The following CADM2 variants were observed in gnomAD, a reference collection of about 807,000 sequenced individuals.
CADM2 encodes immunoglobulin superfamily member 4D.
A neutral mutation model predicts 49.8 loss-of-function variants in CADM2; 12 were observed. That is an observed-to-expected ratio of 0.24 (90% confidence interval 0.15 to 0.39). The LOEUF (loss-of-function observed/expected upper bound fraction) is 0.39. Ranked by LOEUF, CADM2 falls within the 10% of genes least tolerant of loss-of-function variation. The probability of loss-of-function intolerance (pLI) is 1.00; values close to 1 mark genes in which losing one functional copy is unlikely to be tolerated. For synonymous variants in CADM2, 214 were observed against 175.4 expected (o/e 1.22, Z -1.74); for missense variants, 378 against 492.3 (o/e 0.77, Z 2.20).
chr3:85,583,627 A>T (rs149742358), intron 1 of CADM2, among the ~76,000 whole-genome samples: 1 of 152,298 alleles, frequency 6.6e-6, no homozygotes, highest in African/African-American at 2.4e-5. Context: ...TTTTAAATAC[A>T]TTATCATTAA....
chr3:85,238,269 G>T (rs1274970561), intron 1 of CADM2, among the ~76,000 whole-genome samples: 1 of 151,874 alleles, frequency 6.6e-6, no homozygotes, highest in Non-Finnish European at 1.5e-5. Context: ...TAAAGGAATG[G>T]TATACCATTT....
intron 1 of CADM2, among the ~76,000 whole-genome samples, chr3:84,990,241 A>G (rs906105694): frequency 1.3e-5 from 2 of 151,552 alleles, no homozygotes; most frequent in African/African-American, 2.4e-5. Context: ...TCTAAGAACC[A>G]TATCAGAGTT....
At chr3:85,907,823 A>T (rs571092375) in intron 5 of CADM2, among the ~76,000 whole-genome samples, 1 of 151,958 alleles carries the variant, frequency 6.6e-6, no homozygotes, top group African/African-American at 2.4e-5. Flanking sequence ...AGGCAGGAGA[A>T]TCACTTGAAC....
At chr3:85,381,135 G>A (rs1042196710) in intron 1 of CADM2, among the ~76,000 whole-genome samples, 1 of 151,956 alleles carries the variant, frequency 6.6e-6, no homozygotes, top group Non-Finnish European at 1.5e-5. Flanking sequence ...ATGTACGTGT[G>A]TATTGCATAT....
At chr3:85,173,074 A>G (rs1428396121) in intron 1 of CADM2, among the ~76,000 whole-genome samples, 1 of 150,104 alleles carries the variant, frequency 6.7e-6, no homozygotes, top group Non-Finnish European at 1.5e-5. Flanking sequence ...AGCTCACTGC[A>G]AGCTCCGCCT....
At chr3:86,035,999 A>C (rs762423887) in intron 8 of CADM2, among the ~76,000 whole-genome samples, 2 of 152,090 alleles carry the variant, frequency 1.3e-5, no homozygotes, top group Non-Finnish European at 2.9e-5. Context: ...TGTTTCTAAA[A>C]GCATAAATTC....
intron 8 of CADM2, among the ~76,000 whole-genome samples, chr3:85,976,793 A>G (rs752268690): frequency 6.6e-6 from 1 of 151,544 alleles, no homozygotes; most frequent in Admixed American, 6.6e-5. Context: ...TGCTGAACAG[A>G]TAAAAAAGAA....
chr3:85,950,700 A>G (rs1267784778), intron 7 of CADM2, among the ~76,000 whole-genome samples: 1 of 151,296 alleles, frequency 6.6e-6, no homozygotes, highest in South Asian at 2.1e-4. Flanking sequence ...CAAGTAGCAC[A>G]TGCTGATATT....
chr3:85,205,191 TA>T (rs140740305), intron 1 of CADM2, among the ~76,000 whole-genome samples: 18 of 148,336 alleles, frequency 1.2e-4, no homozygotes, highest in Non-Finnish European at 2.5e-4. Context: ...TTAATTTTTC[TA>T]AAAAAAAAAT....
At chr3:85,685,631 T>G (rs908869767) in intron 1 of CADM2, among the ~76,000 whole-genome samples, 2 of 148,078 alleles carry the variant, frequency 1.4e-5, no homozygotes, top group South Asian at 2.1e-4. Context: ...TTTTTTTTTT[T>G]TTTTGTTTTT....
intron 1 of CADM2, among the ~76,000 whole-genome samples, chr3:85,454,336 TAA>T (rs1429989405): frequency 6.6e-6 from 1 of 151,184 alleles, no homozygotes; most frequent in Non-Finnish European, 1.5e-5. Flanking sequence ...GTCACAAAAA[TAA>T]AAAGTTTTTA....
rs1703342402 is a variant in CADM2 at position 86,072,486 on chromosome 3, T to C, written c.*5703T>C. 1.3e-5 allele frequency: 2 copies of C among 151,910 alleles called. No homozygotes were observed. Among genetic ancestry groups the C allele is most frequent in the Non-Finnish European group, 2.9e-5 (2 of 67,936 alleles). The allele number at this position is 151,910 out of a possible 1,614,324, so 9.4% of individuals were successfully genotyped here. On this transcript the variant is annotated 3_prime_UTR_variant, in exon 10 of 10. Transcript: ENST00000383699. ...CAAAAGAAGAAAAGTTAAAAGATAT[T>C]TGAAGATTGCAGGGGCAAAACAAAA...
intron 1 of CADM2, among the ~76,000 whole-genome samples, chr3:85,103,625 G>A (rs1032185617): frequency 3.3e-5 from 5 of 152,346 alleles, no homozygotes; most frequent in Admixed American, 2.6e-4. Flanking sequence ...CTAGCTTGCA[G>A]CTGAATGGAA....
intron 1 of CADM2, among the ~76,000 whole-genome samples, chr3:85,039,074 A>G (rs1267402232): frequency 6.6e-6 from 1 of 152,064 alleles, no homozygotes; most frequent in Non-Finnish European, 1.5e-5. Flanking sequence ...AGGCCAATAA[A>G]TGGTGCAATC....
At chr3:84,998,548 AT>A (rs1359912761) in intron 1 of CADM2, among the ~76,000 whole-genome samples, 1 of 152,116 alleles carries the variant, frequency 6.6e-6, no homozygotes, top group Non-Finnish European at 1.5e-5. Context: ...GTGAAATTTT[AT>A]TTTTTTAATG....
intron 3 of CADM2, among the ~76,000 whole-genome samples, chr3:85,861,178 G>C (rs2075518109): frequency 6.6e-6 from 1 of 152,142 alleles, no homozygotes; most frequent in Non-Finnish European, 1.5e-5. Context: ...TAACCAGAAA[G>C]GTCAGTTAGG....
At chr3:85,313,701 A>G (rs1173978210) in intron 1 of CADM2, among the ~76,000 whole-genome samples, 1 of 152,202 alleles carries the variant, frequency 6.6e-6, no homozygotes, top group Non-Finnish European at 1.5e-5. Flanking sequence ...GGCTGAACTC[A>G]TACATTAGCC....
chr3:85,567,712 TATG>T (rs1172685134), intron 1 of CADM2, among the ~76,000 whole-genome samples: 1 of 152,118 alleles, frequency 6.6e-6, no homozygotes, highest in Non-Finnish European at 1.5e-5. Context: ...CTCACACAAT[TATG>T]GAGGCTTAAG....
At chr3:85,106,501 A>G (rs931832058) in intron 1 of CADM2, among the ~76,000 whole-genome samples, 3 of 152,142 alleles carry the variant, frequency 2.0e-5, no homozygotes, top group Non-Finnish European at 2.9e-5. Context: ...CAGGTTCCTT[A>G]TTCACTTATA....
Sources: gnomAD v4.1 joint callset for allele counts (sites outside exome capture counted in the v4.1 genomes callset) on GRCh38, gnomAD v4.1.1 for gene constraint, MANE v1.5 for transcripts, NCBI Gene and HGNC (gene_info 2026-07-23, HGNC 2026-07-21) for gene names.